Variants in CLVS1 observed in about 807,000 individuals in gnomAD.
The protein encoded by CLVS1 is clavesin 1, also known as clavesin-1.
A neutral mutation model predicts 33.1 loss-of-function variants in CLVS1; 10 were observed. The ratio of observed to expected loss-of-function variants is 0.30; its 90% confidence interval spans 0.19 to 0.51. CLVS1 has a LOEUF of 0.51. Among genes scored for constraint, CLVS1 ranks in the 20% least tolerant of loss-of-function variants. The pLI, the probability that CLVS1 is intolerant of heterozygous loss-of-function variation, is 0.97. For synonymous variants in CLVS1, 163 were observed against 166.1 expected (o/e 0.98, Z 0.14); for missense variants, 343 against 433.4 (o/e 0.79, Z 1.85).
At position 61,262,646 on chromosome 8, in the gene CLVS1, G is replaced by T. The variant is rs187985415; in HGVS notation, c.-151-37031G>T. Reference sequence around the variant, plus strand: ...TGACTTCAGCACCTGGAAAGATAGAGATTAGGCATCCTCCCTCTGCTGACC... The same window carrying T: ...TGACTTCAGCACCTGGAAAGATAGATATTAGGCATCCTCCCTCTGCTGACC... On this transcript the variant is annotated intron_variant, in intron 2 of 2. Transcript: ENST00000522621. Among the ~76,000 whole-genome samples the T allele has an allele frequency of 3.8e-3, 575 of 152,322 alleles. 5 individuals are homozygous for T. The highest frequency in any genetic ancestry group is 0.013 in the African/African-American group (531 of 41,578).
chr8:61,094,687 G>A (rs1441125785), intron 1 of CLVS1, among the ~76,000 whole-genome samples: 1 of 152,160 alleles, frequency 6.6e-6, no homozygotes, highest in African/African-American at 2.4e-5. Context: ...CGTCCTTGTA[G>A]ATTAGGACAC....
At position 61,499,602 on chromosome 8, in the gene CLVS1, A is replaced by T; in HGVS notation, c.*60A>T. 2.3e-6 allele frequency: 3 copies of T among 1,285,430 alleles called. No homozygotes were observed. Among genetic ancestry groups the T allele is most frequent in the Non-Finnish European group, 3.4e-6 (3 of 882,870 alleles). 79.6% of individuals were successfully genotyped at this position (1,285,430 alleles called of 1,614,324 possible). ...CTTCAGTGGTATCAGCCACCCAGGA[A>T]GCACATGCACAACTGACCCATGCAG... On this transcript the variant is annotated 3_prime_UTR_variant, in exon 6 of 6. Transcript: ENST00000325897.
At chr8:61,238,835 A>G (rs1283002170) in intron 2 of CLVS1, among the ~76,000 whole-genome samples, 1 of 152,246 alleles carries the variant, frequency 6.6e-6, no homozygotes, top group Non-Finnish European at 1.5e-5. Context: ...TTTCACTCTA[A>G]TGGATATCTT....
chr8:61,473,056 A>C (rs780207359), intron 5 of CLVS1, among the ~76,000 whole-genome samples: 5 of 152,178 alleles, frequency 3.3e-5, no homozygotes, highest in African/African-American at 4.8e-5. Context: ...ATGAGGATAC[A>C]GGTGTGTAAC....
the CLVS1 span, among the ~76,000 whole-genome samples, chr8:61,040,103 T>A: frequency 6.6e-6 from 1 of 152,216 alleles, no homozygotes; most frequent in Non-Finnish European, 1.5e-5. Context: ...TACTTGGTTT[T>A]CCATTCCTAC....
the CLVS1 span, among the ~76,000 whole-genome samples, chr8:60,970,558 G>GTA: frequency 6.6e-6 from 1 of 152,208 alleles, no homozygotes; most frequent in African/African-American, 2.4e-5. Flanking sequence ...GGGTAGGTGA[G>GTA]TCCAGGATGC....
chr8:61,475,399 T>C (rs1817885534), intron 5 of CLVS1, among the ~76,000 whole-genome samples: 1 of 152,230 alleles, frequency 6.6e-6, no homozygotes, highest in Non-Finnish European at 1.5e-5. Context: ...TGAACTAGTT[T>C]AGAGTCCCAC....
intron 2 of CLVS1, among the ~76,000 whole-genome samples, chr8:61,226,866 G>A (rs1348265072): frequency 2.6e-5 from 4 of 152,166 alleles, no homozygotes; most frequent in Non-Finnish European, 5.9e-5. Flanking sequence ...GGATGGTGCA[G>A]CTGCAGTAAT....
chr8:61,346,718 GA>G (rs1812232922), intron 2 of CLVS1, among the ~76,000 whole-genome samples: 1 of 152,168 alleles, frequency 6.6e-6, no homozygotes, highest in South Asian at 2.1e-4. Context: ...ATGGTGCCAA[GA>G]GCATGGCAGA....
At chr8:61,472,500 T>C (rs1425397827) in intron 5 of CLVS1, among the ~76,000 whole-genome samples, 5 of 152,184 alleles carry the variant, frequency 3.3e-5, no homozygotes, top group African/African-American at 1.2e-4. Context: ...ATGAGGAAGA[T>C]ATCATCAACC....
the CLVS1 span, among the ~76,000 whole-genome samples, chr8:60,974,265 C>T: frequency 3.1e-4 from 47 of 152,290 alleles, no homozygotes; most frequent in South Asian, 1.9e-3. Flanking sequence ...GAGTCCCTCC[C>T]GGAGGCCAGC....
chr8:61,339,155 G>A (rs1811919465), intron 2 of CLVS1, among the ~76,000 whole-genome samples: 2 of 152,106 alleles, frequency 1.3e-5, no homozygotes, highest in South Asian at 4.1e-4. Context: ...AGGCCAGCAT[G>A]AGCTGCTATT....
At chr8:61,275,591 C>T (rs1809547686) in intron 2 of CLVS1, among the ~76,000 whole-genome samples, 1 of 152,104 alleles carries the variant, frequency 6.6e-6, no homozygotes, top group African/African-American at 2.4e-5. Context: ...AAAAAGGAAG[C>T]TTAGTTCGAA....
intron 2 of CLVS1, among the ~76,000 whole-genome samples, chr8:61,334,665 T>C (rs760820607): frequency 6.6e-6 from 1 of 151,986 alleles, no homozygotes; most frequent in African/African-American, 2.4e-5. Context: ...AATAAATATA[T>C]AGGTTGCCAT....
At chr8:61,180,451 A>C (rs148931648) in intron 2 of CLVS1, among the ~76,000 whole-genome samples, 12 of 152,314 alleles carry the variant, frequency 7.9e-5, no homozygotes, top group African/African-American at 2.9e-4. Context: ...ACTACTGCAA[A>C]AAATTGAAAA....
chr8:61,389,606 A>G (rs1052736976), intron 3 of CLVS1, among the ~76,000 whole-genome samples: 1 of 152,146 alleles, frequency 6.6e-6, no homozygotes, highest in South Asian at 2.1e-4. Context: ...AAATTTTGCA[A>G]CTGAAGCTAG....
the CLVS1 span, among the ~76,000 whole-genome samples, chr8:60,982,118 G>A: frequency 6.6e-6 from 1 of 152,198 alleles, no homozygotes; most frequent in African/African-American, 2.4e-5. Context: ...ACGAATGAGA[G>A]CAAGGGTCTG....
intron 5 of CLVS1, among the ~76,000 whole-genome samples, chr8:61,491,997 T>C (rs1546111): frequency 0.55 from 83,136 of 152,068 alleles, 26,458 homozygotes; most frequent in Non-Finnish European, 0.71. Flanking sequence ...GAGAACTAAA[T>C]GAGCTAATAC....
At chr8:61,038,636 G>GTAAA in the CLVS1 span, among the ~76,000 whole-genome samples, 4 of 152,108 alleles carry the variant, frequency 2.6e-5, no homozygotes, top group Non-Finnish European at 5.9e-5. Context: ...CTACAAGGAT[G>GTAAA]TAAAGTGAGA....
Sources: gnomAD v4.1 joint callset for allele counts (sites outside exome capture counted in the v4.1 genomes callset) on GRCh38, gnomAD v4.1.1 for gene constraint, MANE v1.5 for transcripts, NCBI Gene and HGNC (gene_info 2026-07-23, HGNC 2026-07-21) for gene names.